The following ZDHHC7 variants were observed in gnomAD, a reference collection of about 807,000 sequenced individuals.
The protein encoded by ZDHHC7 is palmitoyltransferase ZDHHC7.
ZDHHC7 carries 12 observed loss-of-function variants against 34.1 expected under a neutral mutation model. The observed-to-expected ratio is 0.35, with a 90% CI of 0.23 to 0.57. The LOEUF (loss-of-function observed/expected upper bound fraction) is 0.57, where lower values mean the gene tolerates loss of function less well. ZDHHC7 is among the 20% of genes least tolerant of loss of function. The pLI, the probability that ZDHHC7 is intolerant of heterozygous loss-of-function variation, is 0.84. For missense variants in ZDHHC7, 388 were observed against 402.7 expected (o/e 0.96, Z 0.31); for synonymous variants, 185 against 155.4 (o/e 1.19, Z -1.42).
chr16:85,027,558 A>T, the ZDHHC7 span, among the ~76,000 whole-genome samples: 1 of 152,148 alleles, frequency 6.6e-6, no homozygotes, highest in Non-Finnish European at 1.5e-5. Flanking sequence ...CCAGCCTCTA[A>T]GCAGAGCCAG....
the ZDHHC7 span, among the ~76,000 whole-genome samples, chr16:85,019,761 T>C: frequency 2.6e-5 from 4 of 152,140 alleles, no homozygotes; most frequent in East Asian, 7.7e-4. Flanking sequence ...AGTCATTCAA[T>C]AGATCTGCAC....
rs759236408 is a variant in ZDHHC7, at chr16:84,990,650, G to A, written c.-17-15C>T. ...CCTGACGCACCCTGGGGAGGGGGAC[G>A]ACACAGAGCTGGTAAGGCTCAAAAA... On this transcript the variant is annotated splice_polypyrimidine_tract_variant and intron_variant, in intron 2 of 7. Coordinates refer to ENST00000313732, the MANE Select transcript of ZDHHC7 (RefSeq NM_017740.3). 1.5e-5 allele frequency: 24 copies of A among 1,599,490 alleles called. No individual in the cohort carries two copies. Among genetic ancestry groups the A allele is most frequent in the African/African-American group, 5.3e-5 (4 of 74,818 alleles).
At chr16:85,016,877 T>C in the ZDHHC7 span, among the ~76,000 whole-genome samples, 3 of 152,226 alleles carry the variant, frequency 2.0e-5, no homozygotes, top group Non-Finnish European at 4.4e-5. Flanking sequence ...CATTTCCCCT[T>C]TGTATGCCTC....
chr16:85,006,759 T>C (rs1050628835), intron 1 of ZDHHC7, among the ~76,000 whole-genome samples: 1 of 151,928 alleles, frequency 6.6e-6, no homozygotes, highest in Non-Finnish European at 1.5e-5. Context: ...TAATAAAAAA[T>C]TAAATAAAAC....
chr16:85,022,441 T>G, the ZDHHC7 span, among the ~76,000 whole-genome samples: 2 of 152,038 alleles, frequency 1.3e-5, no homozygotes, highest in East Asian at 3.9e-4. Flanking sequence ...GAGAATCACT[T>G]GAACGTGGGA....
At chr16:85,000,138 CTAAAA>C (rs946068251) in intron 1 of ZDHHC7, among the ~76,000 whole-genome samples, 1 of 151,734 alleles carries the variant, frequency 6.6e-6, no homozygotes, top group Non-Finnish European at 1.5e-5. Context: ...GACCCTGTCT[CTAAAA>C]TAAAATAAAA....
At chr16:85,010,593 A>G (rs1215609580) in intron 1 of ZDHHC7, among the ~76,000 whole-genome samples, 3 of 152,362 alleles carry the variant, frequency 2.0e-5, no homozygotes, top group Admixed American at 6.5e-5. Context: ...AAGAAGCTAC[A>G]AGGCAGGTAG....
intron 1 of ZDHHC7, chr16:85,004,877 T>C (rs1490188208): frequency 2.0e-5 from 3 of 147,024 alleles, no homozygotes; most frequent in Admixed American, 6.8e-5. Flanking sequence ...ACAAGGGTTA[T>C]AGAGAAAGAG....
At chr16:84,989,915 G>A (rs1030886644) in intron 3 of ZDHHC7, among the ~76,000 whole-genome samples, 1 of 152,158 alleles carries the variant, frequency 6.6e-6, no homozygotes, top group East Asian at 1.9e-4. Flanking sequence ...CAGCTGCTGG[G>A]CGTCTCCTCC....
At chr16:85,010,192 T>A (rs1268779201) in intron 1 of ZDHHC7, among the ~76,000 whole-genome samples, 3 of 151,890 alleles carry the variant, frequency 2.0e-5, no homozygotes, top group Admixed American at 6.6e-5. Context: ...GCTAATTTTT[T>A]AATTTTTTTG....
chr16:84,982,578 G>A (rs758853183), intron 3 of ZDHHC7, among the ~76,000 whole-genome samples: 13 of 152,196 alleles, frequency 8.5e-5, no homozygotes, highest in East Asian at 5.8e-4. Flanking sequence ...TTTTCTTATC[G>A]GGCAGTCGGG....
At chr16:84,989,295 A>G (rs1325482562) in intron 3 of ZDHHC7, among the ~76,000 whole-genome samples, 2 of 152,238 alleles carry the variant, frequency 1.3e-5, no homozygotes, top group Non-Finnish European at 2.9e-5. Context: ...AGGAGACAGT[A>G]AACAATGTAC....
chr16:85,001,850 GT>G (rs2143718092), intron 1 of ZDHHC7, among the ~76,000 whole-genome samples: 1 of 152,218 alleles, frequency 6.6e-6, no homozygotes, highest in East Asian at 1.9e-4. Context: ...GGGATTATAG[GT>G]GTGAGCCACC....
Position 84,976,375 on chromosome 16 carries a change from G to C in ZDHHC7, c.895C>G (p.Pro299Ala). ...GAGAACTCCGGGCCACCTTTTCTGGGTCTCGTGGGCAGTCGCCTAAATCGG... is the reference window on the plus strand; with the variant it reads ...GAGAACTCCGGGCCACCTTTTCTGGCTCTCGTGGGCAGTCGCCTAAATCGG... ...GFRFRRLPTR[P>A]RKGGPEFSV is the part of the protein sequence containing the mutation. The change falls in exon 8 of 8, where the codon CCC (proline) becomes GCC (alanine). Residue 299 changes from proline (P) to alanine (A), a missense_variant. Coordinates refer to ENST00000313732, the MANE Select transcript of ZDHHC7 (RefSeq NM_017740.3). 1.2e-6 allele frequency: 2 copies of C among 1,614,086 alleles called. No individual in the cohort carries two copies. Among genetic ancestry groups the C allele is most frequent in the Non-Finnish European group, 1.7e-6 (2 of 1,180,030 alleles).
intron 4 of ZDHHC7, 180 bp from the exon 5 acceptor site, chr16:84,979,465 G>T (rs906671213): frequency 3.1e-6 from 2 of 652,854 alleles, no homozygotes; most frequent in Non-Finnish European, 3.8e-6. Flanking sequence ...AATGTCTTCC[G>T]TTTCCTAAGG....
At chr16:85,001,508 C>T (rs2072653261) in intron 1 of ZDHHC7, among the ~76,000 whole-genome samples, 1 of 143,276 alleles carries the variant, frequency 7.0e-6, no homozygotes, top group African/African-American at 2.6e-5. Flanking sequence ...TGGCAAGAGC[C>T]AGGCTTCTCA....
rs904731210 is a variant in ZDHHC7, at chr16:84,975,550, T to C, written c.*793A>G. ...GGGCCGCACAGGAACGGCTGTTCTT[T>C]GGATCGAGATGTCCTCCAACAGCAA... On this transcript the variant is annotated 3_prime_UTR_variant, in exon 8 of 8. Transcript: ENST00000313732. 1.3e-5 allele frequency: 2 copies of C among 152,656 alleles called. No homozygotes were observed. Among genetic ancestry groups the C allele is most frequent in the African/African-American group, 4.8e-5 (2 of 41,460 alleles). The allele number at this position is 152,656 out of a possible 1,614,324, so 9.5% of individuals were successfully genotyped here.
At chr16:85,027,470 C>T in the ZDHHC7 span, among the ~76,000 whole-genome samples, 2 of 152,178 alleles carry the variant, frequency 1.3e-5, no homozygotes, top group African/African-American at 4.8e-5. Flanking sequence ...CCCATGCCCC[C>T]AACTAAATCA....
intron 5 of ZDHHC7, 162 bp from the exon 6 acceptor site, chr16:84,978,167 A>G (rs2072322747): frequency 1.9e-6 from 1 of 526,048 alleles, no homozygotes; most frequent in East Asian, 3.4e-5. Context: ...CCTCTCAAGT[A>G]GCTGAGACTA....
Sources: gnomAD v4.1 joint callset for allele counts (sites outside exome capture counted in the v4.1 genomes callset) on GRCh38, gnomAD v4.1.1 for gene constraint, MANE v1.5 for transcripts, NCBI Gene and HGNC (gene_info 2026-07-23, HGNC 2026-07-21) for gene names.